IL1RAPL1: variants seen among roughly 807,000 people sequenced by gnomAD.
IL1RAPL1 encodes interleukin 1 receptor accessory protein like 1.
In IL1RAPL1, 3 loss-of-function variants were observed where a neutral mutation model predicts 48.4. The observed-to-expected ratio is 0.06, with a 90% CI of 0.03 to 0.16. IL1RAPL1 has a LOEUF of 0.16. Ranked by LOEUF, IL1RAPL1 falls within the 10% of genes least tolerant of loss-of-function variation. The pLI, the probability that IL1RAPL1 is intolerant of heterozygous loss-of-function variation, is 1.00. For missense variants in IL1RAPL1, 349 were observed against 530.6 expected (o/e 0.66, Z 3.36); for synonymous variants, 185 against 187.7 (o/e 0.99, Z 0.12).
intron 3 of IL1RAPL1, among the ~76,000 whole-genome samples, chrX:29,317,386 A>G (rs1035797804): frequency 8.9e-6 from 1 of 112,398 alleles, no homozygotes; most frequent in African/African-American, 3.2e-5. Context: ...TCATCTAGGA[A>G]ATTAACCACC....
rs778469149 is a variant in IL1RAPL1, at chrX:29,899,629, C to T, written c.779-17835C>T. Among the ~76,000 whole-genome samples the T allele has an allele frequency of 3.5e-3, 384 of 108,576 alleles. 1 individual carries two copies. The highest frequency in any genetic ancestry group is 5.9e-3 in the Non-Finnish European group (309 of 52,231). The allele number at this position is 108,576 out of a possible 115,157, so 94.3% of individuals were successfully genotyped here. A position where few individuals can be genotyped will look rare whatever the true frequency, so the allele number is the denominator to read the frequency against. On this transcript the variant is annotated intron_variant, in intron 6 of 10. Transcript: ENST00000378993. ...CGCGATCTCGGCTCACTGCAGCCTC[C>T]CCCTCCTGGGTTCAAATGATTCTCC...
chrX:29,642,061 G>A (rs986873886), intron 5 of IL1RAPL1, among the ~76,000 whole-genome samples: 2 of 112,280 alleles, frequency 1.8e-5, no homozygotes, highest in East Asian at 5.6e-4. Context: ...CCTACATCTT[G>A]GAGAGAAACT....
At chrX:29,674,486 A>G (rs1011702200) in intron 6 of IL1RAPL1, among the ~76,000 whole-genome samples, 6 of 112,123 alleles carry the variant, frequency 5.4e-5, no homozygotes, top group Non-Finnish European at 1.1e-4. Context: ...TTGCAATCCC[A>G]TAAAAAAGAT....
chrX:29,703,021 T>G (rs1338275200), intron 6 of IL1RAPL1, among the ~76,000 whole-genome samples: 1 of 112,215 alleles, frequency 8.9e-6, no homozygotes, highest in Non-Finnish European at 1.9e-5. Context: ...AAAATCATCT[T>G]AGCATCTTCT....
At chrX:29,638,050 C>A (rs1353040534) in intron 5 of IL1RAPL1, among the ~76,000 whole-genome samples, 7 of 111,612 alleles carry the variant, frequency 6.3e-5, no homozygotes, top group Non-Finnish European at 1.3e-4. Context: ...ATTGGAGATA[C>A]ACCAGACAAT....
intron 5 of IL1RAPL1, among the ~76,000 whole-genome samples, chrX:29,467,147 G>T (rs1014720): frequency 0.11 from 11,750 of 111,294 alleles, 1,084 homozygotes; most frequent in African/African-American, 0.3. Context: ...TAGTTTATTT[G>T]TCCCCCTGGA....
intron 2 of IL1RAPL1, among the ~76,000 whole-genome samples, chrX:29,144,929 A>G (rs960565427): frequency 9.1e-6 from 1 of 109,293 alleles, no homozygotes; most frequent in Non-Finnish European, 1.9e-5. Flanking sequence ...GGGTTTCACT[A>G]TGTTCACCAG....
In IL1RAPL1 at chrX:29,134,108, C is replaced by T. The variant is rs181367238; in HGVS notation, c.83-148830C>T. The stretch of plus-strand genomic sequence containing the variant: ...TTAACCTGTTGAAAAATGGCTTAAA[C>T]TTTTGGTCGTTTCCACCTTTTGGAA... On this transcript the variant is annotated intron_variant, in intron 2 of 10. Transcript: ENST00000378993. Among the ~76,000 whole-genome samples, 4 of 111,882 alleles carry T rather than the reference C, an allele frequency of 3.6e-5. No individual in the cohort carries two copies. In the East Asian group the frequency reaches 1.1e-3, roughly 31 times the overall value.
In IL1RAPL1 at chrX:29,554,325, A is replaced by G. The variant is rs137898462; in HGVS notation, c.704-114105A>G. 9.4e-3 allele frequency among the ~76,000 whole-genome samples: 1,051 copies of G among 111,567 alleles called. 12 individuals carry two copies. The highest frequency in any genetic ancestry group is 0.031 in the African/African-American group (967 of 30,744). On this transcript the variant is annotated intron_variant, in intron 5 of 10. Transcript: ENST00000378993. ...TTTTAGGAAAAAAAGATTCAAAATT[A>G]TAATAAATAATATTCATACATATTT...
chrX:28,666,232 A>T (rs1349736688), intron 1 of IL1RAPL1, among the ~76,000 whole-genome samples: 1 of 112,159 alleles, frequency 8.9e-6, no homozygotes, highest in Non-Finnish European at 1.9e-5. Context: ...CTGTAAAATG[A>T]CATCCAAATA....
At chrX:28,983,628 A>G (rs922258466) in intron 2 of IL1RAPL1, among the ~76,000 whole-genome samples, 18 of 111,952 alleles carry the variant, frequency 1.6e-4, no homozygotes, top group African/African-American at 4.9e-4. Flanking sequence ...ATTTTAGTCA[A>G]TACTGTGTTA....
At chrX:28,889,915 A>T (rs1207753490) in intron 2 of IL1RAPL1, among the ~76,000 whole-genome samples, 1 of 111,418 alleles carries the variant, frequency 9.0e-6, no homozygotes, top group Non-Finnish European at 1.9e-5. Context: ...ATTTTCTTAA[A>T]TAGGACAGAT....
At chrX:29,907,944 A>ATAAC (rs1211885414) in intron 6 of IL1RAPL1, among the ~76,000 whole-genome samples, 1 of 111,710 alleles carries the variant, frequency 9.0e-6, no homozygotes, top group Non-Finnish European at 1.9e-5. Context: ...ATCATAGACC[A>ATAAC]TAACTAACTA....
At position 29,210,728 on chromosome X, in the gene IL1RAPL1, G is replaced by A. The variant is rs1267423255; in HGVS notation, c.83-72210G>A. Among the ~76,000 whole-genome samples the A allele has an allele frequency of 2.7e-5, 3 of 111,668 alleles. No individual in the cohort carries two copies. The Admixed American group carries it at 2.9e-4, about 11-fold the overall frequency. On this transcript the variant is annotated intron_variant, in intron 2 of 10. Transcript: ENST00000378993. The stretch of plus-strand genomic sequence containing the variant: ...ATGTCATTCCAGGTGCAACTTAAGA[G>A]TCACGCTCCCCTTGTCCTTTACAAT...
chrX:29,803,020 C>CAT (rs1309090656), intron 6 of IL1RAPL1, among the ~76,000 whole-genome samples: 1 of 49,275 alleles, frequency 2.0e-5, no homozygotes. Context: ...CATATGTGTA[C>CAT]ATATACATGT....
intron 3 of IL1RAPL1, among the ~76,000 whole-genome samples, chrX:29,296,720 G>C (rs1380126192): frequency 9.0e-6 from 1 of 111,228 alleles, no homozygotes; most frequent in South Asian, 3.8e-4. Context: ...TGAAGAATTA[G>C]CTGGCAAATT....
chrX:29,951,645 A>G (rs182725999), intron 9 of IL1RAPL1, among the ~76,000 whole-genome samples: 4 of 112,216 alleles, frequency 3.6e-5, no homozygotes, highest in Non-Finnish European at 3.8e-5. Flanking sequence ...GATAAGGGAT[A>G]GGTGGAACGC....
chrX:29,907,321 A>G (rs1306550496), intron 6 of IL1RAPL1, among the ~76,000 whole-genome samples: 1 of 108,721 alleles, frequency 9.2e-6, no homozygotes, highest in Non-Finnish European at 1.9e-5. Flanking sequence ...AATTTTACTA[A>G]TTATAAATTT....
At chrX:29,177,987 C>G (rs1029555924) in intron 2 of IL1RAPL1, among the ~76,000 whole-genome samples, 2 of 111,965 alleles carry the variant, frequency 1.8e-5, no homozygotes, top group African/African-American at 6.5e-5. Flanking sequence ...TTAATCCAGT[C>G]TATCATTGAT....
Sources: allele counts gnomAD v4.1 joint callset (sites outside exome capture counted in the v4.1 genomes callset), GRCh38; gene constraint gnomAD v4.1.1; transcripts MANE v1.5; gene names NCBI Gene and HGNC (gene_info 2026-07-23, HGNC 2026-07-21).